The following RPTOR variants were observed in gnomAD, a reference collection of about 807,000 sequenced individuals.
RPTOR encodes regulatory-associated protein of mTOR.
A neutral mutation model predicts 169.9 loss-of-function variants in RPTOR; 21 were observed. The observed-to-expected ratio is 0.12, with a 90% CI of 0.09 to 0.18. The LOEUF (loss-of-function observed/expected upper bound fraction) is 0.18. Among genes scored for constraint, RPTOR ranks in the 10% least tolerant of loss-of-function variants. The pLI is 1.00. For synonymous variants in RPTOR, 732 were observed against 753.2 expected (o/e 0.97, Z 0.46); for missense variants, 1,133 against 1,855.9 (o/e 0.61, Z 7.16).
chr17:80,918,995 G>C (rs2068713400), intron 21 of RPTOR, among the ~76,000 whole-genome samples: 1 of 152,186 alleles, frequency 6.6e-6, no homozygotes, highest in African/African-American at 2.4e-5. Flanking sequence ...ACACACCCGG[G>C]TCTGAGGAGG....
chr17:80,837,074 G>T (rs1438876536), intron 9 of RPTOR, among the ~76,000 whole-genome samples: 4 of 152,168 alleles, frequency 2.6e-5, no homozygotes, highest in African/African-American at 9.7e-5. Flanking sequence ...CGGGGAGGAG[G>T]CTGTCTCACG....
At chr17:80,729,248 C>T (rs138865733) in intron 4 of RPTOR, among the ~76,000 whole-genome samples, 4 of 152,298 alleles carry the variant, frequency 2.6e-5, no homozygotes, top group East Asian at 1.9e-4. Flanking sequence ...GCAGTACCAG[C>T]GGCAGGATAT....
In RPTOR at chr17:80,746,620, T is replaced by G. The variant is rs2066578171; in HGVS notation, c.655-7390T>G. Among the ~76,000 whole-genome samples the G allele has an allele frequency of 6.6e-6, 1 of 152,144 alleles. No individual in the cohort carries two copies. Among genetic ancestry groups the G allele is most frequent in the African/African-American group, 2.4e-5 (1 of 41,422 alleles). On this transcript the variant is annotated intron_variant, in intron 5 of 33. Coordinates refer to ENST00000306801, the MANE Select transcript of RPTOR (RefSeq NM_020761.3). The surrounding 1 kb of genome is among the most constrained non-coding windows in gnomAD (Gnocchi z 4.5). ...GGCTCCCCGGAGAAACCCCTTTGGG[T>G]GCACGCTCACCTTAGGCTTGCTGTT...
At chr17:80,848,024 C>G (rs1240222620) in intron 11 of RPTOR, among the ~76,000 whole-genome samples, 1 of 152,256 alleles carries the variant, frequency 6.6e-6, no homozygotes, top group African/African-American at 2.4e-5. Flanking sequence ...GGCTTCACCT[C>G]GTTCAGGACT....
Position 80,857,831 on chromosome 17 carries a change from C to G in RPTOR, c.1440C>G (p.Leu480=). ...TCTTCCCCTACGTGCTGAAGCTGCT[C>G]CAGAGCTCGGCCCGAGAGCTGCGGC... ...VGIFPYVLKL[L]QSSARELRPL... is the part of the protein sequence containing the mutation. Residue 480 remains leucine, a synonymous_variant, in exon 13 of 34, where the codon CTC becomes CTG. Transcript: ENST00000306801. 1 of 1,612,834 alleles carries G rather than the reference C, an allele frequency of 6.2e-7. No individual in the cohort carries two copies. The highest frequency in any genetic ancestry group is 8.5e-7 in the Non-Finnish European group (1 of 1,179,968).
rs140469949 is a variant in RPTOR at position 80,558,441 on chromosome 17, C to T, written c.162+12650C>T. ...ACAAGTTTGAATTTTACCCAGCTGT[C>T]GGTATATTTTTCAGGTGCGTTTATT... On this transcript the variant is annotated intron_variant, in intron 1 of 33. Coordinates refer to ENST00000306801, the MANE Select transcript of RPTOR (RefSeq NM_020761.3). Among the ~76,000 whole-genome samples, 101 of 152,196 alleles carry T rather than the reference C, an allele frequency of 6.6e-4. 1 individual carries two copies. The highest frequency in any genetic ancestry group is 2.2e-3 in the African/African-American group (92 of 41,528).
intron 7 of RPTOR, among the ~76,000 whole-genome samples, chr17:80,807,208 C>T (rs2067226907): frequency 6.6e-6 from 1 of 152,166 alleles, no homozygotes; most frequent in Non-Finnish European, 1.5e-5. Flanking sequence ...AAAATAGAGA[C>T]AGAACATTTT....
intron 9 of RPTOR, among the ~76,000 whole-genome samples, chr17:80,824,171 A>G (rs991039318): frequency 6.6e-6 from 1 of 152,232 alleles, no homozygotes; most frequent in Non-Finnish European, 1.5e-5. Context: ...TTTATAATAA[A>G]TATTTATATG....
intron 5 of RPTOR, among the ~76,000 whole-genome samples, chr17:80,743,818 G>GCCCTGGTTACTAGCAC (rs2066517514): frequency 1.0e-4 from 3 of 29,014 alleles, no homozygotes; most frequent in African/African-American, 1.0e-4. Context: ...GCTACTAGCA[G>GCCCTGGTTACTAGCAC]AGCCCTGGCT....
intron 13 of RPTOR, among the ~76,000 whole-genome samples, chr17:80,880,070 T>C (rs2068168871): frequency 6.6e-6 from 1 of 152,054 alleles, no homozygotes; most frequent in African/African-American, 2.4e-5. Context: ...TGGATGGATG[T>C]GCTCCAGTGT....
chr17:80,794,925 G>A (rs116144005), intron 7 of RPTOR, among the ~76,000 whole-genome samples: 1 of 152,154 alleles, frequency 6.6e-6, no homozygotes, highest in African/African-American at 2.4e-5. Flanking sequence ...TGGCTGTGAG[G>A]GGCTAGCGGG....
Position 80,730,762 on chromosome 17 carries a change from GGT to G in RPTOR, c.654+58_654+59del. ...TGGGTTTGGTTTTGTTTTCCCTGGG[GGT>G]GGGGTTTGGGTGGGGAGGTTGGGAG... On this transcript the variant is annotated intron_variant, in intron 5 of 33. Coordinates refer to ENST00000306801, the MANE Select transcript of RPTOR (RefSeq NM_020761.3). The surrounding 1 kb of genome is among the most constrained non-coding windows in gnomAD (Gnocchi z 4.2). 2 of 1,478,198 alleles carry G rather than the reference GGT, an allele frequency of 1.4e-6. No homozygotes were observed. The highest frequency in any genetic ancestry group is 1.9e-6 in the Non-Finnish European group (2 of 1,072,036). 91.6% of individuals were successfully genotyped at this position (1,478,198 alleles called of 1,614,324 possible).
intron 3 of RPTOR, among the ~76,000 whole-genome samples, chr17:80,700,421 GTGATGGTGGTGGTTA>G (rs775442564): frequency 0.22 from 32,001 of 146,864 alleles, 3,355 homozygotes; most frequent in East Asian, 0.3. Flanking sequence ...GGTGGTGATG[GTGATGGTGGTGGTTA>G]TGATGGTGGT....
At chr17:80,719,482 T>C (rs9897608) in intron 4 of RPTOR, among the ~76,000 whole-genome samples, 105,672 of 152,012 alleles carry the variant, frequency 0.7, 38,041 homozygotes, top group African/African-American at 0.89. Flanking sequence ...AAGTGGCATC[T>C]TCTCAGGGCT....
At chr17:80,658,983 C>T (rs1239556393) in intron 3 of RPTOR, among the ~76,000 whole-genome samples, 4 of 152,304 alleles carry the variant, frequency 2.6e-5, no homozygotes, top group Non-Finnish European at 5.9e-5. Context: ...CTGACTGCTG[C>T]TGATGGCCTG....
rs761593973 is a variant in RPTOR at position 80,892,812 on chromosome 17, G to A, written c.2185G>A (p.Val729Ile). The A allele has an allele frequency of 2.0e-5, 33 of 1,614,112 alleles. No homozygotes were observed. Among genetic ancestry groups the A allele is most frequent in the African/African-American group, 2.7e-5 (2 of 74,940 alleles). ...GAGCTCCTATGGAAACATCCGTGCT[G>A]TCGCCACAGCCAGGAGCCTCAACAA... is the stretch of plus-strand genomic sequence containing the variant. Reference protein sequence around the residue: ...SVSSYGNIRAVATARSLNKSL... With the variant: ...SVSSYGNIRAIATARSLNKSL... Residue 729 changes from valine (V) to isoleucine (I), a missense_variant, in exon 19 of 34, where the codon GTC becomes ATC. Coordinates refer to ENST00000306801, the MANE Select transcript of RPTOR (RefSeq NM_020761.3).
chr17:80,779,159 C>T (rs1455920760), intron 6 of RPTOR, among the ~76,000 whole-genome samples: 1 of 152,234 alleles, frequency 6.6e-6, no homozygotes, highest in Non-Finnish European at 1.5e-5. Flanking sequence ...CTGAATGGTC[C>T]TGCCGGACTA....
intron 2 of RPTOR, among the ~76,000 whole-genome samples, chr17:80,641,140 A>G (rs1037076629): frequency 2.0e-5 from 3 of 152,214 alleles, no homozygotes; most frequent in South Asian, 2.1e-4. Flanking sequence ...TGATCACAGC[A>G]CAGTTGATTT....
At chr17:80,581,347 C>T (rs923848292) in intron 1 of RPTOR, among the ~76,000 whole-genome samples, 6 of 152,212 alleles carry the variant, frequency 3.9e-5, no homozygotes, top group Admixed American at 3.9e-4. Context: ...TGCAGGTAAA[C>T]ATTTAGCCAT....
Sources: allele counts gnomAD v4.1 joint callset (sites outside exome capture counted in the v4.1 genomes callset), GRCh38; gene constraint gnomAD v4.1.1; non-coding constraint Gnocchi (gnomAD v3.1); transcripts MANE v1.5; gene names NCBI Gene and HGNC (gene_info 2026-07-23, HGNC 2026-07-21).